The following RCBTB2 variants were observed in gnomAD, a reference collection of about 807,000 sequenced individuals.
RCBTB2 encodes the protein RCC1 and BTB domain-containing protein 2.
Under a neutral mutation model 65.4 loss-of-function variants are expected in RCBTB2, and 55 were observed. That is an observed-to-expected ratio of 0.84 (90% CI 0.68 to 1.05). RCBTB2 has a LOEUF of 1.05. Ranked by LOEUF, RCBTB2 falls within the 50% of genes least tolerant of loss-of-function variation. RCBTB2 has a pLI of 0.00. For synonymous variants in RCBTB2, 220 were observed against 255.2 expected (o/e 0.86, Z 1.31); for missense variants, 599 against 680.1 (o/e 0.88, Z 1.33).
At chr13:48,498,472 TG>T (rs1430714607) in intron 13 of RCBTB2, among the ~76,000 whole-genome samples, 2 of 152,190 alleles carry the variant, frequency 1.3e-5, no homozygotes, top group African/African-American at 4.8e-5. Context: ...GGCTCACGCC[TG>T]TAATCCCAGC....
At chr13:48,529,871 C>A (rs1472443954) in intron 1 of RCBTB2, among the ~76,000 whole-genome samples, 1 of 152,098 alleles carries the variant, frequency 6.6e-6, no homozygotes, top group African/African-American at 2.4e-5. Flanking sequence ...TTTTCCTGGA[C>A]AATTTTAATC....
At chr13:48,514,731 AT>A (rs924586471) in intron 6 of RCBTB2, among the ~76,000 whole-genome samples, 1 of 152,076 alleles carries the variant, frequency 6.6e-6, no homozygotes, top group African/African-American at 2.4e-5. Flanking sequence ...GAGAAGTTTT[AT>A]TTATTTTCTT....
chr13:48,533,725 T>C (rs987921022), upstream of RCBTB2, among the ~76,000 whole-genome samples: 2 of 152,254 alleles, frequency 1.3e-5, no homozygotes, highest in Non-Finnish European at 2.9e-5. Flanking sequence ...ACTGCACTTC[T>C]GTTGGCCTTT....
At chr13:48,491,099 A>T (rs1593567346) in intron 14 of RCBTB2, among the ~76,000 whole-genome samples, 2 of 152,322 alleles carry the variant, frequency 1.3e-5, no homozygotes, top group East Asian at 1.9e-4. Flanking sequence ...GTCAATTTTT[A>T]AAAGTTTCCT....
Position 48,512,148 on chromosome 13 carries a change from A to G in RCBTB2, c.543T>C (p.Ser181=). Residue 181 remains serine (S), a synonymous_variant, in exon 8 of 15, where the codon TCT becomes TCC. Coordinates refer to ENST00000344532, the MANE Select transcript of RCBTB2 (RefSeq NM_001268.4). Reference sequence around the variant, plus strand: ...CTGTTGATCCAGATCCTACCTGCCCAGAGTTATTATAACCCCAGGCAAATA... The same window carrying G: ...CTGTTGATCCAGATCCTACCTGCCCGGAGTTATTATAACCCCAGGCAAATA... ...GEVFAWGYNN[S]GQVGSGSTVN... is the part of the protein sequence containing the mutation. 1 of 1,614,068 alleles carries G rather than the reference A, an allele frequency of 6.2e-7. No homozygotes were observed. The highest frequency in any genetic ancestry group is 8.5e-7 in the Non-Finnish European group (1 of 1,179,904).
chr13:48,502,857 ACCCTGCGT>A lies in RCBTB2; in HGVS notation c.976_983del (p.Thr326TrpfsTer26). On this transcript the variant is annotated frameshift_variant, in exon 11 of 15. Coordinates refer to ENST00000344532, the MANE Select transcript of RCBTB2 (RefSeq NM_001268.4). LOFTEE classifies it high-confidence loss of function. Reference sequence around the variant, plus strand: ...ACTGGCCCCACATGTACACGTGCCCACCCTGCGTCTTGGCCGCAGACGTGTGTGTGGAG... The same window carrying A: ...ACTGGCCCCACATGTACACGTGCCCACTTGGCCGCAGACGTGTGTGTGGAG... 6.2e-7 allele frequency: 1 copy of A among 1,614,130 alleles called. No individual in the cohort carries two copies.
intron 14 of RCBTB2, among the ~76,000 whole-genome samples, chr13:48,490,883 T>C (rs1949669975): frequency 6.6e-6 from 1 of 152,160 alleles, no homozygotes; most frequent in Non-Finnish European, 1.5e-5. Context: ...ACCCAACAGA[T>C]TGGTGTTTTC....
intron 10 of RCBTB2, among the ~76,000 whole-genome samples, chr13:48,508,248 G>T (rs779026247): frequency 1.8e-4 from 28 of 152,208 alleles, no homozygotes; most frequent in Non-Finnish European, 2.4e-4. Flanking sequence ...GGAAAGGGTG[G>T]AGAAGTGCAG....
chr13:48,520,544 C>T (rs1030642752), intron 4 of RCBTB2, among the ~76,000 whole-genome samples: 4 of 152,278 alleles, frequency 2.6e-5, no homozygotes, highest in Admixed American at 6.5e-5. Context: ...TAGTCCACCT[C>T]CCCTTCCTTC....
At chr13:48,491,272 GCCAATGTACATATAAA>G (rs1949686788) in intron 14 of RCBTB2, among the ~76,000 whole-genome samples, 1 of 152,048 alleles carries the variant, frequency 6.6e-6, no homozygotes, top group Admixed American at 6.5e-5. Context: ...TGATAGCCTT[GCCAATGTACATATAAA>G]CCTACGGTAC....
intron 1 of RCBTB2, among the ~76,000 whole-genome samples, chr13:48,526,913 C>T (rs546728035): frequency 2.0e-5 from 3 of 151,888 alleles, no homozygotes; most frequent in South Asian, 4.2e-4. Context: ...GAGACTCCAT[C>T]TCAAAAAATA....
At chr13:48,506,889 T>C (rs1950533308) in intron 10 of RCBTB2, among the ~76,000 whole-genome samples, 1 of 152,220 alleles carries the variant, frequency 6.6e-6, no homozygotes, top group Non-Finnish European at 1.5e-5. Flanking sequence ...ATGAAAAATG[T>C]CAGTGACTGG....
At chr13:48,506,923 T>C (rs978324362) in intron 10 of RCBTB2, among the ~76,000 whole-genome samples, 12 of 152,256 alleles carry the variant, frequency 7.9e-5, no homozygotes, top group African/African-American at 2.7e-4. Context: ...CCTTCACTGA[T>C]CTGCCCAACA....
intron 12 of RCBTB2, among the ~76,000 whole-genome samples, chr13:48,500,863 TAG>T (rs1566269847): frequency 6.6e-6 from 1 of 152,144 alleles, no homozygotes; most frequent in Non-Finnish European, 1.5e-5. Context: ...TGATGTGATA[TAG>T]AGAGAGTGAG....
At chr13:48,511,150 C>A (rs1412481160) in intron 9 of RCBTB2, among the ~76,000 whole-genome samples, 1 of 152,026 alleles carries the variant, frequency 6.6e-6, no homozygotes, top group Non-Finnish European at 1.5e-5. Context: ...CTCTGAATAT[C>A]AGAGGCATTT....
intron 1 of RCBTB2, among the ~76,000 whole-genome samples, chr13:48,527,041 A>C (rs947514548): frequency 3.3e-5 from 5 of 151,942 alleles, no homozygotes; most frequent in Non-Finnish European, 5.9e-5. Flanking sequence ...GTTTAATATC[A>C]GTGTATTAAA....
At position 48,489,886 on chromosome 13, in the gene RCBTB2, T is replaced by C; in HGVS notation, c.*225A>G. On this transcript the variant is annotated 3_prime_UTR_variant, in exon 15 of 15. Coordinates refer to ENST00000344532, the MANE Select transcript of RCBTB2 (RefSeq NM_001268.4). ...GAAATGGTAAATAAGATATTTCAAT[T>C]TTTTTTCCTTGACCTTAGTCACATC... is the stretch of plus-strand genomic sequence containing the variant. 1.8e-6 allele frequency: 1 copy of C among 552,524 alleles called. No individual in the cohort carries two copies. Among genetic ancestry groups the C allele is most frequent in the Non-Finnish European group, 3.2e-6 (1 of 315,398 alleles). 34.2% of individuals were successfully genotyped at this position (552,524 alleles called of 1,614,324 possible).
intron 4 of RCBTB2, among the ~76,000 whole-genome samples, chr13:48,516,726 C>A (rs1593743533): frequency 6.6e-6 from 1 of 152,132 alleles, no homozygotes; most frequent in East Asian, 1.9e-4. Context: ...CAATTAACCC[C>A]CTAACAGCAT....
intron 14 of RCBTB2, among the ~76,000 whole-genome samples, chr13:48,495,317 GT>G (rs1949920430): frequency 6.6e-6 from 1 of 151,926 alleles, no homozygotes; most frequent in Non-Finnish European, 1.5e-5. Context: ...ACTAAGCATA[GT>G]TTTCAGTCTT....
Sources: gnomAD v4.1 joint callset for allele counts (sites outside exome capture counted in the v4.1 genomes callset) on GRCh38, gnomAD v4.1.1 for gene constraint, MANE v1.5 for transcripts, NCBI Gene and HGNC (gene_info 2026-07-23, HGNC 2026-07-21) for gene names.